EIF4G2: variants seen among roughly 807,000 people sequenced by gnomAD.
EIF4G2 encodes DAP-5.
A neutral mutation model predicts 117.7 loss-of-function variants in EIF4G2; 8 were observed. That is an observed-to-expected ratio of 0.07 (90% CI 0.04 to 0.12). EIF4G2 has a LOEUF of 0.12. Ranked by LOEUF, EIF4G2 falls within the 10% of genes least tolerant of loss-of-function variation. EIF4G2 has a pLI of 1.00. For missense variants in EIF4G2, 812 were observed against 1,086.2 expected, an observed-to-expected ratio of 0.75 and a Z score of 3.55; for synonymous variants, 413 against 367.8, an observed-to-expected ratio of 1.12 and a Z score of -1.41.
chr11:10,807,039 T>TATTA, intron 2 of EIF4G2, 154 bp from the exon 3 acceptor site: 1 of 1,116,798 alleles, frequency 9.0e-7, no homozygotes. Context: ...GCTTGTATAT[T>TATTA]ATGCTACAAA....
rs750231088 is a variant in EIF4G2 at position 10,800,482 on chromosome 11, T to C, written c.1810A>G (p.Ile604Val). ...ATCCCTTCCTGTTTGAGTAAACTGA[T>C]CAAAGAACTTGCTTTTTCTTTATCT... Residue 604 changes from isoleucine (I) to valine (V), a missense_variant, in exon 17 of 22, where the codon ATC becomes GTC. Ile to Val is a conservative substitution (Grantham distance 29, BLOSUM62 3). Transcript: ENST00000339995. The C allele has an allele frequency of 6.2e-7, 1 of 1,614,206 alleles. No homozygotes were observed. Among genetic ancestry groups the C allele is most frequent in the Non-Finnish European group, 8.5e-7 (1 of 1,180,026 alleles).
rs1231733406 is a variant in EIF4G2, at chr11:10,807,335, A to G, written c.-40T>C. On this transcript the variant is annotated 5_prime_UTR_variant, in exon 2 of 22. Coordinates refer to ENST00000339995, the MANE Select transcript of EIF4G2 (RefSeq NM_001418.4). The stretch of plus-strand genomic sequence containing the variant: ...AACGAAGAATCTTCAAAAGAATAAT[A>G]TTAATAGATGGGGTGGGGAGGGGAG... 6 of 1,590,614 alleles carry G rather than the reference A, an allele frequency of 3.8e-6. No homozygotes were observed. Among genetic ancestry groups the G allele is most frequent in the Non-Finnish European group, 5.2e-6 (6 of 1,164,342 alleles).
In EIF4G2 at chr11:10,800,712, T is replaced by C. The variant is rs758741749; in HGVS notation, c.1644+19A>G. 2 of 1,613,930 alleles carry C rather than the reference T, an allele frequency of 1.2e-6. No homozygotes were observed. Among genetic ancestry groups the C allele is most frequent in the East Asian group, 2.2e-5 (1 of 44,894 alleles). Reference sequence around the variant, plus strand: ...CAAATACAGGCTAATTACACTAAAATGGGATATTTGAAACTTACAGTTAGT... The same window carrying C: ...CAAATACAGGCTAATTACACTAAAACGGGATATTTGAAACTTACAGTTAGT... On this transcript the variant is annotated intron_variant, in intron 16 of 21. Coordinates refer to ENST00000339995, the MANE Select transcript of EIF4G2 (RefSeq NM_001418.4).
chr11:10,802,590 G>A (rs867553002), intron 11 of EIF4G2, among the ~76,000 whole-genome samples, 155 bp from the exon 12 acceptor site: 1 of 152,302 alleles, frequency 6.6e-6, no homozygotes, highest in East Asian at 1.9e-4. Flanking sequence ...GACAAGGCTG[G>A]GCATGATGGC....
intron 4 of EIF4G2, 125 bp from the exon 5 acceptor site, chr11:10,805,140 C>A: frequency 1.3e-6 from 1 of 742,672 alleles, no homozygotes; most frequent in South Asian, 1.7e-5. Context: ...GACATGTTTT[C>A]TTACTCATCT....
intron 13 of EIF4G2, 78 bp downstream of exon 13, chr11:10,801,971 C>T (rs193279091): frequency 5.4e-4 from 286 of 529,374 alleles, no homozygotes; most frequent in South Asian, 2.5e-3. Flanking sequence ...CTTTACTAAT[C>T]TTAAGGATAA....
In EIF4G2 at chr11:10,800,271, A is replaced by G; in HGVS notation, c.1938T>C (p.Phe646=). 1 of 1,614,198 alleles carries G rather than the reference A, an allele frequency of 6.2e-7. No homozygotes were observed. The highest frequency in any genetic ancestry group is 8.5e-7 in the Non-Finnish European group (1 of 1,180,032). Reference sequence around the variant, plus strand: ...GCTCTGAAATGATGGCACGAGCTGCAAACTGTGCTAAATAGGATTTCACCA... The same window carrying G: ...GCTCTGAAATGATGGCACGAGCTGCGAACTGTGCTAAATAGGATTTCACCA... The change falls in exon 18 of 22, where the codon TTT becomes TTC. Residue 646 remains phenylalanine (F), a synonymous_variant. Coordinates refer to ENST00000339995, the MANE Select transcript of EIF4G2 (RefSeq NM_001418.4).
rs757334945 is a variant in EIF4G2, at chr11:10,799,328, T to C, written c.2421A>G (p.Gln807=). ...TTACTGGCTTGAAAGATAGTAGTAG[T>C]TGTTTTTCCTGCTCTAACTGTTCTT... The change falls in exon 20 of 22, where the codon CAA becomes CAG. Residue 807 remains glutamine, a synonymous_variant. Transcript: ENST00000339995. 5.0e-6 allele frequency: 8 copies of C among 1,613,974 alleles called. No individual in the cohort carries two copies. Among genetic ancestry groups the C allele is most frequent in the Non-Finnish European group, 5.9e-6 (7 of 1,180,008 alleles).
At chr11:10,807,760 G>GA in intron 1 of EIF4G2, 5 of 990,964 alleles carry the variant, frequency 5.0e-6, no homozygotes, top group Non-Finnish European at 6.0e-6. Context: ...CGAGGCCAGC[G>GA]ACTAGATGAG....
At chr11:10,807,601 G>A in intron 1 of EIF4G2, 1 of 1,177,494 alleles carries the variant, frequency 8.5e-7, no homozygotes, top group Non-Finnish European at 1.1e-6. Flanking sequence ...GAACACAAGA[G>A]CATTTTAAAC....
rs755453776 is a variant in EIF4G2 at position 10,803,631 on chromosome 11, T to C, written c.703-41A>G. 1 of 1,538,674 alleles carries C rather than the reference T, an allele frequency of 6.5e-7. No homozygotes were observed. The highest frequency in any genetic ancestry group is 9.0e-7 in the Non-Finnish European group (1 of 1,115,288). On this transcript the variant is annotated intron_variant, in intron 8 of 21. Transcript: ENST00000339995. This position sits in a 1 kb window ranked among gnomAD's most constrained non-coding sequence, Gnocchi z 4.0. ...GCCATGGTGACAAAGTTTTAGTTAC[T>C]CTGGTTTAGGCGTAGTACTTTCTTT...
chr11:10,803,320 G>A lies in EIF4G2; in HGVS notation c.814-26C>T, dbSNP rs781477360. ...CTGATAAGAGAAGAATACATTCATT[G>A]GAAGAGCTAAAGCAAATGTGTTCAA... On this transcript the variant is annotated intron_variant, in intron 9 of 21. Coordinates refer to ENST00000339995, the MANE Select transcript of EIF4G2 (RefSeq NM_001418.4). The surrounding 1 kb of genome is among the most constrained non-coding windows in gnomAD (Gnocchi z 4.0). 11 of 1,607,690 alleles carry A rather than the reference G, an allele frequency of 6.8e-6. No homozygotes were observed. Among genetic ancestry groups the A allele is most frequent in the African/African-American group, 1.3e-5 (1 of 74,712 alleles).
chr11:10,804,390 T>G lies in EIF4G2; in HGVS notation c.380A>C (p.Lys127Thr). Residue 127 changes from lysine to threonine, a missense_variant, in exon 6 of 22, where the codon AAG becomes ACG. Coordinates refer to ENST00000339995, the MANE Select transcript of EIF4G2 (RefSeq NM_001418.4). The stretch of plus-strand genomic sequence containing the variant: ...TAGCTGAGCATACAGTGAGCTATAC[T>G]TTGGCTCTTCTAGGGCTTTGTCCAC... 2.5e-6 allele frequency: 4 copies of G among 1,609,028 alleles called. No individual in the cohort carries two copies. Among genetic ancestry groups the G allele is most frequent in the Non-Finnish European group, 3.4e-6 (4 of 1,177,960 alleles).
chr11:10,807,980 G>C (rs934360972), intron 1 of EIF4G2: 1 of 1,030,530 alleles, frequency 9.7e-7, no homozygotes, highest in African/African-American at 1.7e-5. Context: ...TCCCACCCAG[G>C]CGCAAGTTAG....
chr11:10,807,629 T>C (rs941598693), intron 1 of EIF4G2: 8 of 1,092,754 alleles, frequency 7.3e-6, no homozygotes, highest in African/African-American at 1.6e-5. Flanking sequence ...AACGAATCTT[T>C]TGAAAAAGCC....
At position 10,807,270 on chromosome 11, in the gene EIF4G2, C is replaced by A. The variant is rs762099037; in HGVS notation, c.26G>T (p.Gly9Val). The A allele has an allele frequency of 4.3e-6, 7 of 1,611,744 alleles. No homozygotes were observed. In the South Asian group the frequency reaches 6.6e-5, roughly 15 times the overall value. Residue 9 changes from glycine to valine, a missense_variant, in exon 2 of 22, where the codon GGT becomes GTT. By Grantham distance (109) the Gly-to-Val change is moderately radical (BLOSUM62 -3). This residue lies in a region of EIF4G2 where 79 missense variants were observed against 91.5 expected (regional missense o/e 0.86). Coordinates refer to ENST00000339995, the MANE Select transcript of EIF4G2 (RefSeq NM_001418.4). The stretch of plus-strand genomic sequence containing the variant: ...CTACAAGTACCTGAAACGAGAAGCA[C>A]CCCCTTCTGCAATCGCACTCTCCAC...
chr11:10,804,841 T>TA (rs1303489969), intron 5 of EIF4G2, 72 bp downstream of exon 5: 18 of 1,324,318 alleles, frequency 1.4e-5, no homozygotes, highest in South Asian at 1.2e-5. Context: ...AATCCAAGTG[T>TA]AAAAAAACAC....
At chr11:10,807,530 T>G in intron 1 of EIF4G2, 149 bp from the exon 2 acceptor site, 1 of 1,296,102 alleles carries the variant, frequency 7.7e-7, no homozygotes. Flanking sequence ...ACACTGACAA[T>G]TACATTTTGT....
rs1847389459 is a variant in EIF4G2, at chr11:10,800,610, G to A, written c.1682C>T (p.Ala561Val). 1 of 1,614,114 alleles carries A rather than the reference G, an allele frequency of 6.2e-7. No individual in the cohort carries two copies. Among genetic ancestry groups the A allele is most frequent in the Non-Finnish European group, 8.5e-7 (1 of 1,180,030 alleles). ...TCTTACACCATTGACAGCCTCATTTGCATTTCCACTATTTAGATATTCAGT... is the reference window on the plus strand; with the variant it reads ...TCTTACACCATTGACAGCCTCATTTACATTTCCACTATTTAGATATTCAGT... The change falls in exon 17 of 22, where the codon GCA becomes GTA. Residue 561 changes from alanine (A) to valine (V), a missense_variant. Ala to Val is a moderately conservative substitution (Grantham distance 64). Around this residue, in one of 4 missense-constraint regions of EIF4G2, gnomAD observed 571 missense variants for 642.3 expected, o/e 0.89. Coordinates refer to ENST00000339995, the MANE Select transcript of EIF4G2 (RefSeq NM_001418.4).
Sources: allele counts gnomAD v4.1 joint callset (sites outside exome capture counted in the v4.1 genomes callset), GRCh38; gene constraint gnomAD v4.1.1; regional missense constraint gnomAD v4.1.1; non-coding constraint Gnocchi (gnomAD v3.1); transcripts MANE v1.5; gene names NCBI Gene and HGNC (gene_info 2026-07-23, HGNC 2026-07-21).